EIF2B3: variants seen among roughly 807,000 people sequenced by gnomAD.
EIF2B3 encodes the protein translation initiation factor eIF2B subunit gamma.
EIF2B3 carries 20 observed loss-of-function variants against 54.1 expected under a neutral mutation model. That is an observed-to-expected ratio of 0.37 (90% confidence interval 0.26 to 0.54). The LOEUF (loss-of-function observed/expected upper bound fraction) is 0.54, where lower values mean the gene tolerates loss of function less well. Ranked by LOEUF, EIF2B3 falls within the 20% of genes least tolerant of loss-of-function variation. The pLI is 0.86. For missense variants in EIF2B3, 448 were observed against 547.8 expected, an observed-to-expected ratio of 0.82 and a Z score of 1.82; for synonymous variants, 153 against 188.1, an observed-to-expected ratio of 0.81 and a Z score of 1.52.
rs1655098415 is a variant in EIF2B3, at chr1:44,875,623, G to A, written c.1048C>T (p.His350Tyr). 1 of 1,614,120 alleles carries A rather than the reference G, an allele frequency of 6.2e-7. No individual in the cohort carries two copies. The highest frequency in any genetic ancestry group is 1.3e-5 in the African/African-American group (1 of 75,040). The part of the protein sequence containing the change: ...VHSSAQIVSK[H>Y]LVGVDSLIGP... Reference sequence around the variant, plus strand: ...CTGGCCACACTAGCACTTACCAGGTGTTTGCTGACAATCTGGGCTGACGAA... The same window carrying A: ...CTGGCCACACTAGCACTTACCAGGTATTTGCTGACAATCTGGGCTGACGAA... Residue 350 changes from histidine to tyrosine, a missense_variant, in exon 9 of 12, where the codon CAC becomes TAC. By Grantham distance (83) the His-to-Tyr change is moderately conservative. This residue lies in a region of EIF2B3 where 350 missense variants were observed against 414.2 expected (regional missense o/e 0.85). Coordinates refer to ENST00000360403, the MANE Select transcript of EIF2B3 (RefSeq NM_020365.5).
Position 44,981,114 on chromosome 1 carries a change from G to A in EIF2B3, c.55C>T (p.Leu19=), listed in dbSNP as rs770592640. The A allele has an allele frequency of 6.2e-7, 1 of 1,612,832 alleles. No homozygotes were observed. Among genetic ancestry groups the A allele is most frequent in the Non-Finnish European group, 8.5e-7 (1 of 1,179,864 alleles). ...AVGGGSRMTD[L]TSSIPKPLLP... ...AGAGGTTTGGGAATGCTGGAAGTTA[G>A]GTCTGTCATCCGAGATCCTCCACCT... The change falls in exon 2 of 12, where the codon CTA becomes TTA. Residue 19 remains leucine, a synonymous_variant. Coordinates refer to ENST00000360403, the MANE Select transcript of EIF2B3 (RefSeq NM_020365.5).
intron 3 of EIF2B3, among the ~76,000 whole-genome samples, chr1:44,974,281 G>C (rs1351975127): frequency 1.3e-5 from 2 of 151,492 alleles, no homozygotes; most frequent in African/African-American, 4.9e-5. Flanking sequence ...TCCAGACCAG[G>C]CCTGGGCAAT....
Position 44,942,617 on chromosome 1 carries a change from G to A in EIF2B3, c.295-952C>T, listed in dbSNP as rs117964629. Among the ~76,000 whole-genome samples the A allele has an allele frequency of 5.0e-3, 741 of 146,994 alleles. 4 individuals are homozygous for A. The highest frequency in any genetic ancestry group is 7.5e-3 in the Non-Finnish European group (501 of 66,914). ...TAATTTTTACATTTTTTGTAGAGAT[G>A]GTGTCTCCCTATGTTGCCTAGGCTA... On this transcript the variant is annotated intron_variant, in intron 3 of 11. Transcript: ENST00000360403.
chr1:44,879,826 T>C lies in EIF2B3; in HGVS notation c.967A>G (p.Asn323Asp). 1 of 1,613,866 alleles carries C rather than the reference T, an allele frequency of 6.2e-7. No homozygotes were observed. Among genetic ancestry groups the C allele is most frequent in the Non-Finnish European group, 8.5e-7 (1 of 1,180,020 alleles). Residue 323 changes from asparagine (N) to aspartate (D), a missense_variant, in exon 8 of 12, where the codon AAC becomes GAC. Transcript: ENST00000360403. Reference sequence around the variant, plus strand: ...CTAACTCATGCTCTCACCTGTCTGTTTGCTTCCATGTAGAGTCCCAGTGTG... The same window carrying C: ...CTAACTCATGCTCTCACCTGTCTGTCTGCTTCCATGTAGAGTCCCAGTGTG... The part of the protein sequence containing the change: ...VSTLGLYMEA[N>D]RQVPKLLSAL...
intron 11 of EIF2B3, among the ~76,000 whole-genome samples, chr1:44,852,790 A>C (rs896683828): frequency 2.2e-4 from 34 of 152,174 alleles, no homozygotes; most frequent in African/African-American, 7.7e-4. Flanking sequence ...AAAAAAAAAA[A>C]AAAAAACAAA....
chr1:44,869,593 CTTTTTTTTTTTTTT>C (rs60006087), intron 10 of EIF2B3, among the ~76,000 whole-genome samples: 1,684 of 71,464 alleles, frequency 0.024, 97 homozygotes, highest in Admixed American at 0.14. Context: ...GAGGTAAGGC[CTTTTTTTTTTTTTT>C]TTTTTTTTTT....
chr1:44,937,601 A>C (rs1020214499), intron 4 of EIF2B3, among the ~76,000 whole-genome samples: 1 of 152,168 alleles, frequency 6.6e-6, no homozygotes, highest in Non-Finnish European at 1.5e-5. Context: ...GACCTGCAGC[A>C]GACCGGGCGC....
At chr1:44,910,649 TTTTTTTTTA>T (rs1170950313) in intron 5 of EIF2B3, among the ~76,000 whole-genome samples, 5 of 122,164 alleles carry the variant, frequency 4.1e-5, no homozygotes, top group Non-Finnish European at 6.5e-5. Flanking sequence ...TTTTTTTTTT[TTTTTTTTTA>T]AAAGAGAGAA....
chr1:44,959,362 T>C, intron 3 of EIF2B3: 1 of 568,832 alleles, frequency 1.8e-6, no homozygotes, highest in Non-Finnish European at 3.2e-6. Flanking sequence ...CAGCAGCAAT[T>C]TCTAGCAGGG....
intron 6 of EIF2B3, among the ~76,000 whole-genome samples, chr1:44,893,438 G>C (rs996105490): frequency 3.9e-5 from 6 of 152,330 alleles, no homozygotes; most frequent in Middle Eastern, 6.8e-3. Context: ...TGGCAACAGA[G>C]ATATCCGACA....
At chr1:44,964,092 G>A (rs1490133617) in intron 3 of EIF2B3, among the ~76,000 whole-genome samples, 1 of 142,938 alleles carries the variant, frequency 7.0e-6, no homozygotes, top group East Asian at 2.2e-4. Context: ...ATCAAAATAG[G>A]TTAGTATCAA....
At chr1:44,982,719 A>T (rs1644527920) in intron 1 of EIF2B3, among the ~76,000 whole-genome samples, 1 of 148,440 alleles carries the variant, frequency 6.7e-6, no homozygotes, top group South Asian at 2.1e-4. Context: ...TCCTGCCCCA[A>T]CCTCTGGAGC....
chr1:44,886,993 C>T (rs920910616), intron 6 of EIF2B3, among the ~76,000 whole-genome samples: 2 of 152,210 alleles, frequency 1.3e-5, no homozygotes, highest in East Asian at 3.8e-4. Flanking sequence ...GCTGAGTGAA[C>T]AAGCAAGGTA....
chr1:44,910,967 C>T (rs1009545601), intron 5 of EIF2B3, among the ~76,000 whole-genome samples: 1 of 151,890 alleles, frequency 6.6e-6, no homozygotes, highest in Non-Finnish European at 1.5e-5. Context: ...ATAGACTGAA[C>T]CCAATTTACA....
At chr1:44,900,183 A>T (rs1316475334) in intron 5 of EIF2B3, among the ~76,000 whole-genome samples, 1 of 152,194 alleles carries the variant, frequency 6.6e-6, no homozygotes, top group Non-Finnish European at 1.5e-5. Context: ...ACAGTGGCTC[A>T]CACCTGTAAT....
At position 44,973,036 on chromosome 1, in the gene EIF2B3, G is replaced by A. The variant is rs114980324; in HGVS notation, c.294+5279C>T. On this transcript the variant is annotated intron_variant, in intron 3 of 11. Coordinates refer to ENST00000360403, the MANE Select transcript of EIF2B3 (RefSeq NM_020365.5). ...AACCTGGATGTCAGAACGAAATCCT[G>A]TCTCAAAAACAAAACAAGAAAAGAA... Among the ~76,000 whole-genome samples, 1,512 of 152,230 alleles carry A rather than the reference G, an allele frequency of 9.9e-3. 28 individuals are homozygous for A. The highest frequency in any genetic ancestry group is 0.035 in the African/African-American group (1,458 of 41,518).
intron 3 of EIF2B3, among the ~76,000 whole-genome samples, chr1:44,957,964 C>T (rs1644245643): frequency 6.6e-6 from 1 of 152,144 alleles, no homozygotes; most frequent in South Asian, 2.1e-4. Flanking sequence ...CCAGTAATCC[C>T]ACTTGTAAGA....
intron 6 of EIF2B3, among the ~76,000 whole-genome samples, chr1:44,892,768 C>T (rs1360088255): frequency 6.6e-6 from 1 of 152,214 alleles, no homozygotes; most frequent in Non-Finnish European, 1.5e-5. Context: ...TATCAGTATG[C>T]AGCCACCCAA....
intron 10 of EIF2B3, chr1:44,863,026 T>A (rs1654662511): frequency 6.6e-6 from 1 of 152,262 alleles, no homozygotes; most frequent in African/African-American, 2.4e-5. Flanking sequence ...GACACTCCAC[T>A]GTATCACGGG....
Sources: allele counts gnomAD v4.1 joint callset (sites outside exome capture counted in the v4.1 genomes callset), GRCh38; gene constraint gnomAD v4.1.1; regional missense constraint gnomAD v4.1.1; transcripts MANE v1.5; gene names NCBI Gene and HGNC (gene_info 2026-07-23, HGNC 2026-07-21).